Variants in MYT1L observed in about 807,000 individuals in gnomAD.
MYT1L encodes the protein myelin transcription factor 1-like protein.
In MYT1L, 12 loss-of-function variants were observed where a neutral mutation model predicts 126.7. That is an observed-to-expected ratio of 0.09 (90% CI 0.06 to 0.15). MYT1L has a LOEUF of 0.15. MYT1L is among the 10% of genes least tolerant of loss of function. MYT1L has a pLI of 1.00. For missense variants in MYT1L, 979 were observed against 1,585.2 expected, an observed-to-expected ratio of 0.62 and a Z score of 6.49; for synonymous variants, 541 against 604.2, an observed-to-expected ratio of 0.90 and a Z score of 1.53.
intron 18 of MYT1L, among the ~76,000 whole-genome samples, chr2:1,874,905 C>T (rs1329918731): frequency 6.6e-6 from 1 of 152,150 alleles, no homozygotes; most frequent in Non-Finnish European, 1.5e-5. Context: ...AAGGAAGAGC[C>T]CGGAGCTTGG....
chr2:2,131,996 A>G (rs948269545), intron 3 of MYT1L, among the ~76,000 whole-genome samples: 2 of 148,918 alleles, frequency 1.3e-5, no homozygotes, highest in Non-Finnish European at 1.5e-5. Context: ...GCAACCTCCA[A>G]CTCGCTGGTT....
chr2:2,000,325 C>T (rs1399616610), intron 4 of MYT1L, among the ~76,000 whole-genome samples: 3 of 152,180 alleles, frequency 2.0e-5, no homozygotes, highest in South Asian at 2.1e-4. Flanking sequence ...CCTTTTGTGG[C>T]TCCTAGTTCA....
chr2:2,208,484 G>C (rs906635539), intron 2 of MYT1L, among the ~76,000 whole-genome samples: 2 of 152,154 alleles, frequency 1.3e-5, no homozygotes, highest in African/African-American at 4.8e-5. Flanking sequence ...GGTACAGTTT[G>C]GGCATTCCTT....
chr2:1,808,010 C>T (rs895097109), intron 22 of MYT1L, among the ~76,000 whole-genome samples: 1 of 152,120 alleles, frequency 6.6e-6, no homozygotes, highest in Non-Finnish European at 1.5e-5. Flanking sequence ...TCCCACTTTG[C>T]TCTGCACTTC....
chr2:2,227,340 G>A (rs1054128312), intron 2 of MYT1L, among the ~76,000 whole-genome samples: 1 of 152,138 alleles, frequency 6.6e-6, no homozygotes, highest in African/African-American at 2.4e-5. Flanking sequence ...TGACCCACTT[G>A]ACATCTCGAC....
At chr2:1,921,202 T>C (rs1189987787) in intron 10 of MYT1L, among the ~76,000 whole-genome samples, 2 of 152,228 alleles carry the variant, frequency 1.3e-5, no homozygotes, top group Admixed American at 6.5e-5. Flanking sequence ...ATAAAAAACA[T>C]AAAAGGATCT....
rs137992086 is a variant in MYT1L, at chr2:1,886,743, T to G, written c.2643-136A>C. 730 of 427,384 alleles carry G rather than the reference T, an allele frequency of 1.7e-3. 4 individuals are homozygous for G. The highest frequency in any genetic ancestry group is 9.3e-3 in the African/African-American group (457 of 49,324). The allele number at this position is 427,384 out of a possible 1,614,324, so 26.5% of individuals were successfully genotyped here. The stretch of plus-strand genomic sequence containing the variant: ...CAAGTGCTGTATATTGAATTTTTTT[T>G]TGTGTAATTAATTCTGAATCGGTTC... On this transcript the variant is annotated intron_variant, in intron 17 of 24. Coordinates refer to ENST00000647738, the MANE Select transcript of MYT1L (RefSeq NM_001303052.2).
At chr2:2,081,477 T>C (rs910076181) in intron 3 of MYT1L, among the ~76,000 whole-genome samples, 1 of 152,206 alleles carries the variant, frequency 6.6e-6, no homozygotes, top group South Asian at 2.1e-4. Flanking sequence ...ATGGTGGAAC[T>C]AGAGGGCCAA....
At position 1,929,513 on chromosome 2, in the gene MYT1L, G is replaced by A. The variant is rs537731011; in HGVS notation, c.506-6250C>T. On this transcript the variant is annotated intron_variant, in intron 9 of 24. Coordinates refer to ENST00000647738, the MANE Select transcript of MYT1L (RefSeq NM_001303052.2). This position sits in a 1 kb window ranked among gnomAD's most constrained non-coding sequence, Gnocchi z 4.7. ...CCCTGGCTCCGCTCTAGCCATCACC[G>A]TCACGCTTCCCTACTACATCTAACT... is the stretch of plus-strand genomic sequence containing the variant. 6.6e-5 allele frequency among the ~76,000 whole-genome samples: 10 copies of A among 152,288 alleles called. No individual in the cohort carries two copies. Among genetic ancestry groups the A allele is most frequent in the East Asian group, 5.8e-4 (3 of 5,180 alleles).
rs2052271198 is a variant in MYT1L, at chr2:1,912,937, G to A, written c.1619-827C>T. Among the ~76,000 whole-genome samples the A allele has an allele frequency of 6.6e-6, 1 of 152,116 alleles. No individual in the cohort carries two copies. Among genetic ancestry groups the A allele is most frequent in the African/African-American group, 2.4e-5 (1 of 41,414 alleles). On this transcript the variant is annotated intron_variant, in intron 11 of 24. Coordinates refer to ENST00000647738, the MANE Select transcript of MYT1L (RefSeq NM_001303052.2). The surrounding 1 kb of genome is among the most constrained non-coding windows in gnomAD (Gnocchi z 4.3). ...GTTCTGGGGGAAGGTTAGCAGGGAC[G>A]AAGGGACCCCCACACGGACCCTGTC...
In MYT1L at chr2:1,793,613, C is replaced by G. The variant is rs1178073734; in HGVS notation, c.3277-1149G>C. 6.6e-6 allele frequency among the ~76,000 whole-genome samples: 1 copy of G among 152,172 alleles called. No individual in the cohort carries two copies. The highest frequency in any genetic ancestry group is 1.5e-5 in the Non-Finnish European group (1 of 68,036). ...CAGTCACCAGCCTCAGGCCCAGACC[C>G]TCTGTTAGAAAACTGAAGCACCTCA... is the stretch of plus-strand genomic sequence containing the variant. On this transcript the variant is annotated intron_variant, in intron 23 of 24. Transcript: ENST00000647738. This position sits in a 1 kb window ranked among gnomAD's most constrained non-coding sequence, Gnocchi z 4.6.
intron 1 of MYT1L, among the ~76,000 whole-genome samples, chr2:2,295,211 G>A (rs961944891): frequency 6.6e-6 from 1 of 152,208 alleles, no homozygotes; most frequent in African/African-American, 2.4e-5. Flanking sequence ...TCTGTAGCCC[G>A]AGTGTGATCT....
At chr2:1,966,522 C>T (rs1252983545) in intron 8 of MYT1L, among the ~76,000 whole-genome samples, 1 of 152,122 alleles carries the variant, frequency 6.6e-6, no homozygotes, top group Non-Finnish European at 1.5e-5. Flanking sequence ...ATGCCCTCCC[C>T]TCCCTCACCC....
intron 2 of MYT1L, among the ~76,000 whole-genome samples, chr2:2,283,532 G>C (rs1446989825): frequency 1.3e-5 from 2 of 152,174 alleles, no homozygotes; most frequent in Non-Finnish European, 1.5e-5. Flanking sequence ...GGGTCCAACA[G>C]ATTGGTTTAT....
At chr2:1,867,394 TCCTG>T (rs750618195) in intron 18 of MYT1L, among the ~76,000 whole-genome samples, 20 of 152,156 alleles carry the variant, frequency 1.3e-4, no homozygotes, top group Non-Finnish European at 2.6e-4. Context: ...CGCCCTTGCC[TCCTG>T]CCTATCCCAT....
At chr2:2,176,406 A>G (rs1457577429) in intron 2 of MYT1L, among the ~76,000 whole-genome samples, 1 of 152,198 alleles carries the variant, frequency 6.6e-6, no homozygotes, top group Non-Finnish European at 1.5e-5. Context: ...ATTTTTGGCA[A>G]TTAAAAAGGT....
chr2:2,053,834 GT>G (rs1426485285), intron 4 of MYT1L, 143 bp downstream of exon 4: 1 of 152,634 alleles, frequency 6.6e-6, no homozygotes, highest in Admixed American at 6.5e-5. Flanking sequence ...AGCAAGAGGT[GT>G]TGTATTCTTT....
chr2:2,002,002 C>T (rs910384790), intron 4 of MYT1L, among the ~76,000 whole-genome samples: 6 of 152,084 alleles, frequency 3.9e-5, no homozygotes, highest in African/African-American at 1.2e-4. Context: ...ATCTTGATCC[C>T]GTGTGCACAT....
rs990318144 is a variant in MYT1L, at chr2:1,922,213, G to A, written c.1483+73C>T. Reference sequence around the variant, plus strand: ...ATTCAGTGTGAGTCACACTTTAACTGTAGACTACCACCAACATCCTTTACC... The same window carrying A: ...ATTCAGTGTGAGTCACACTTTAACTATAGACTACCACCAACATCCTTTACC... On this transcript the variant is annotated intron_variant, in intron 10 of 24. Transcript: ENST00000647738. The surrounding 1 kb of genome is among the most constrained non-coding windows in gnomAD (Gnocchi z 7.4). 8 of 1,548,320 alleles carry A rather than the reference G, an allele frequency of 5.2e-6. No homozygotes were observed. The Admixed American group carries it at 1.1e-4, about 21-fold the overall frequency.
Sources: gnomAD v4.1 joint callset for allele counts (sites outside exome capture counted in the v4.1 genomes callset) on GRCh38, gnomAD v4.1.1 for gene constraint, Gnocchi (gnomAD v3.1) non-coding constraint, MANE v1.5 for transcripts, NCBI Gene and HGNC (gene_info 2026-07-23, HGNC 2026-07-21) for gene names.